The following OGT variants were observed in gnomAD, a reference collection of about 807,000 sequenced individuals.
OGT encodes O-linked N-acetylglucosamine (GlcNAc) transferase.
OGT carries 3 observed loss-of-function variants against 75.8 expected under a neutral mutation model. The ratio of observed to expected loss-of-function variants is 0.04; its 90% CI spans 0.02 to 0.10. OGT has a LOEUF of 0.10. Among genes scored for constraint, OGT ranks in the 10% least tolerant of loss-of-function variants. The pLI is 1.00. For missense variants in OGT, 260 were observed against 824.4 expected (o/e 0.32, Z 8.38); for synonymous variants, 257 against 289.7 (o/e 0.89, Z 1.15).
chrX:71,536,409 C>T, intron 2 of OGT, 51 bp downstream of exon 2: 1 of 974,156 alleles, frequency 1.0e-6, no homozygotes, highest in Non-Finnish European at 1.3e-6. Flanking sequence ...GGGTGCTGAG[C>T]TTGAAAAATG....
chrX:71,560,936 T>G (rs750225539), intron 14 of OGT, among the ~76,000 whole-genome samples: 4 of 110,273 alleles, frequency 3.6e-5, no homozygotes, highest in Non-Finnish European at 7.6e-5. Context: ...ACTCACCCTT[T>G]TTTTTTTTGA....
At position 71,570,650 on chromosome X, in the gene OGT, C is replaced by G. The variant is rs1234479646; in HGVS notation, c.2966+2534C>G. On this transcript the variant is annotated intron_variant, in intron 21 of 21. Coordinates refer to ENST00000373719, the MANE Select transcript of OGT (RefSeq NM_181672.3). ...TAGTTGTTGGTATCTGGTAAACATT[C>G]AGCAGATGTTAGCTACTTATTATTT... 5.4e-5 allele frequency among the ~76,000 whole-genome samples: 6 copies of G among 111,460 alleles called. No homozygotes were observed. In the Admixed American group the frequency reaches 5.7e-4, roughly 11 times the overall value.
At chrX:71,555,917 T>C in intron 7 of OGT, 37 bp from the exon 8 acceptor site, 1 of 1,201,096 alleles carries the variant, frequency 8.3e-7, no homozygotes, top group South Asian at 1.8e-5. Flanking sequence ...GCTTTATGAT[T>C]CTGTACAGTT....
At chrX:71,536,961 GGTTT>G in intron 2 of OGT, 1 of 188,698 alleles carries the variant, frequency 5.3e-6, no homozygotes, top group South Asian at 6.2e-5. Context: ...CAATGTGGTG[GGTTT>G]TTTTTTTTTT....
chrX:71,554,619 T>G (rs1395092354), intron 6 of OGT, 27 bp downstream of exon 6: 1 of 1,111,378 alleles, frequency 9.0e-7, no homozygotes, highest in South Asian at 1.8e-5. Context: ...TTTAATAAAT[T>G]TTCTTGAATC....
chrX:71,544,445 T>A, intron 3 of OGT, 122 bp from the exon 4 acceptor site: 1 of 631,271 alleles, frequency 1.6e-6, no homozygotes. Context: ...CTGAAGTTTG[T>A]CAGGCAGTAT....
rs762484056 is a variant in OGT at position 71,561,104 on chromosome X, T to A, written c.1852-671T>A. 3.6e-5 allele frequency among the ~76,000 whole-genome samples: 4 copies of A among 109,622 alleles called. 1 individual carries two copies. The South Asian group carries it at 1.6e-3, about 44-fold the overall frequency. ...CACCACACCCGGCTAATTTTTGTAT[T>A]TTTAGTAGAGACGGGGTCTCACCAC... On this transcript the variant is annotated intron_variant, in intron 14 of 21. Transcript: ENST00000373719.
chrX:71,568,071 A>G lies in OGT; in HGVS notation c.2921A>G (p.Gln974Arg). Residue 974 changes from glutamine (Q) to arginine (R), a missense_variant, in exon 21 of 22, where the codon CAA (glutamine) becomes CGA (arginine). By Grantham distance (43) the Gln-to-Arg change is conservative (BLOSUM62 1). This residue lies in a region of OGT where 34 missense variants were observed against 57.5 expected (regional missense o/e 0.59). Transcript: ENST00000373719. The stretch of plus-strand genomic sequence containing the variant: ...CTTGAGCTTATTGCTAAAAACAGAC[A>G]AGAATATGAAGACATAGCTGTGAAG... ...GCLELIAKNR[Q>R]EYEDIAVKLG... 1.7e-6 allele frequency: 2 copies of G among 1,208,910 alleles called. No homozygotes were observed. Among genetic ancestry groups the G allele is most frequent in the Non-Finnish European group, 2.2e-6 (2 of 893,564 alleles).
At chrX:71,557,370 C>G (rs1230610190) in intron 11 of OGT, 74 bp downstream of exon 11, 1 of 1,054,918 alleles carries the variant, frequency 9.5e-7, no homozygotes, top group Non-Finnish European at 1.3e-6. Context: ...CATAAGAATC[C>G]AAGCCTGACT....
chrX:71,568,232 C>G, intron 21 of OGT, 116 bp downstream of exon 21: 1 of 559,771 alleles, frequency 1.8e-6, no homozygotes, highest in Non-Finnish European at 2.6e-6. Flanking sequence ...TGTATGCCCT[C>G]TGGATGGGAG....
chrX:71,571,383 G>C (rs2040457204), intron 21 of OGT, among the ~76,000 whole-genome samples: 1 of 111,864 alleles, frequency 8.9e-6, no homozygotes. Context: ...AAGATTGGCT[G>C]TCATTAACTG....
intron 4 of OGT, 185 bp from the exon 5 acceptor site, chrX:71,547,722 G>A: frequency 9.3e-7 from 1 of 1,075,742 alleles, no homozygotes. Flanking sequence ...AGCCAGCTGT[G>A]GCAGCGCATT....
intron 6 of OGT, 96 bp downstream of exon 6, chrX:71,554,688 A>G: frequency 1.5e-6 from 1 of 665,756 alleles, no homozygotes; most frequent in Non-Finnish European, 2.4e-6. Flanking sequence ...CCATTGAAGC[A>G]TATTTGCCTT....
Position 71,559,434 on chromosome X carries a change from A to G in OGT, c.1761+9A>G. 8.4e-7 allele frequency: 1 copy of G among 1,196,464 alleles called. No individual in the cohort carries two copies. The highest frequency in any genetic ancestry group is 1.1e-6 in the Non-Finnish European group (1 of 885,332). On this transcript the variant is annotated intron_variant, in intron 13 of 21. Transcript: ENST00000373719. Reference sequence around the variant, plus strand: ...ATCCTGATAAATTTGAGGTAAGACTAGTGTTTCTCTAGAATCACTATTTGT... The same window carrying G: ...ATCCTGATAAATTTGAGGTAAGACTGGTGTTTCTCTAGAATCACTATTTGT...
At chrX:71,571,072 A>G (rs928850766) in intron 21 of OGT, among the ~76,000 whole-genome samples, 14 of 108,845 alleles carry the variant, frequency 1.3e-4, no homozygotes, top group Non-Finnish European at 2.3e-4. Flanking sequence ...AAGTGGCGGG[A>G]TTACAGGCGC....
chrX:71,537,797 A>G (rs767563741), intron 2 of OGT, 32 bp from the exon 3 acceptor site: 2 of 1,207,919 alleles, frequency 1.7e-6, no homozygotes, highest in East Asian at 5.9e-5. Context: ...TAACGTGCAT[A>G]CCCATGCATT....
intron 3 of OGT, among the ~76,000 whole-genome samples, chrX:71,542,337 A>T (rs2040225302): frequency 8.9e-6 from 1 of 111,880 alleles, no homozygotes; most frequent in Non-Finnish European, 1.9e-5. Context: ...ATAGGTTTGG[A>T]TCCCCAAACA....
chrX:71,569,376 C>T (rs1230848083), intron 21 of OGT, among the ~76,000 whole-genome samples: 2 of 111,989 alleles, frequency 1.8e-5, no homozygotes, highest in South Asian at 3.7e-4. Flanking sequence ...TTCTTCACTA[C>T]GGTCGGTGTA....
chrX:71,549,120 C>T (rs2040282696), intron 5 of OGT, among the ~76,000 whole-genome samples: 1 of 106,955 alleles, frequency 9.3e-6, no homozygotes, highest in South Asian at 4.2e-4. Flanking sequence ...GCCTGGACAA[C>T]ATAACGAGAC....
Sources: gnomAD v4.1 joint callset for allele counts (sites outside exome capture counted in the v4.1 genomes callset) on GRCh38, gnomAD v4.1.1 for gene constraint, gnomAD v4.1.1 regional missense constraint, MANE v1.5 for transcripts, NCBI Gene and HGNC (gene_info 2026-07-23, HGNC 2026-07-21) for gene names.